Variants in RPL17 observed in about 807,000 individuals in gnomAD.
The protein encoded by RPL17 is ribosomal protein L17.
A neutral mutation model predicts 27.7 loss-of-function variants in RPL17; 2 were observed. The observed-to-expected ratio is 0.07, with a 90% CI of 0.03 to 0.23. RPL17 has a LOEUF of 0.23. Among genes scored for constraint, RPL17 ranks in the 10% least tolerant of loss-of-function variants. The pLI, the probability that RPL17 is intolerant of heterozygous loss-of-function variation, is 1.00. For missense variants in RPL17, 141 were observed against 238.8 expected (o/e 0.59, Z 2.70); for synonymous variants, 76 against 75.5 (o/e 1.01, Z -0.03).
intron 1 of RPL17, 199 bp from the exon 2 acceptor site, chr18:49,491,783 A>T: frequency 1.3e-6 from 1 of 783,312 alleles, no homozygotes; most frequent in Non-Finnish European, 2.3e-6. Context: ...CAGTAACTAC[A>T]GCACTGCTTC....
chr18:49,491,922 C>T (rs936181803), intron 1 of RPL17: 2 of 419,804 alleles, frequency 4.8e-6, no homozygotes, highest in African/African-American at 4.1e-5. Flanking sequence ...ACAACTCAAC[C>T]GTAACCCTCT....
intron 6 of RPL17, 131 bp downstream of exon 6, chr18:49,489,228 A>C: frequency 1.0e-6 from 1 of 985,226 alleles, no homozygotes. Flanking sequence ...AAAAGCCAAA[A>C]TAAGACAGGT....
Position 49,490,632 on chromosome 18 carries a change from C to T in RPL17, c.217-80G>A, listed in dbSNP as rs147977407. 2.9e-3 allele frequency: 4,634 copies of T among 1,600,978 alleles called. 14 individuals carry two copies. Among genetic ancestry groups the T allele is most frequent in the Non-Finnish European group, 3.3e-3 (3,883 of 1,170,432 alleles). ...GCCAAGATGAATTTATCTGATATCACGGTTTCTTAGGATATGGTTTATTTC... is the reference window on the plus strand; with the variant it reads ...GCCAAGATGAATTTATCTGATATCATGGTTTCTTAGGATATGGTTTATTTC... On this transcript the variant is annotated intron_variant, in intron 4 of 6. Coordinates refer to ENST00000580261, the MANE Select transcript of RPL17 (RefSeq NM_001035006.5).
At chr18:49,492,273 A>T (rs2148828409) in intron 1 of RPL17, 185 bp downstream of exon 1, 1 of 152,218 alleles carries the variant, frequency 6.6e-6, no homozygotes, top group African/African-American at 2.4e-5. Flanking sequence ...AGGCCGACTG[A>T]CCCCGGCTCC....
At chr18:49,490,403 C>G (rs2083974809) in intron 5 of RPL17, 51 bp downstream of exon 5, 1 of 1,585,912 alleles carries the variant, frequency 6.3e-7, no homozygotes, top group Admixed American at 1.7e-5. Flanking sequence ...GAACAGCCAA[C>G]ATTAATTAAA....
intron 4 of RPL17, 119 bp downstream of exon 4, chr18:49,490,674 G>T (rs899195376): frequency 1.9e-6 from 3 of 1,584,414 alleles, no homozygotes; most frequent in Admixed American, 3.5e-5. Context: ...AATCCAAGGT[G>T]TCCTGTCATT....
At position 49,489,382 on chromosome 18, in the gene RPL17, C is replaced by A. The variant is rs2083894124; in HGVS notation, c.484G>T (p.Glu162Ter). Residue 162 changes from glutamate (E) to a stop codon, truncating the protein, a stop_gained, in exon 6 of 7, where the codon GAG becomes TAG. Coordinates refer to ENST00000580261, the MANE Select transcript of RPL17 (RefSeq NM_001035006.5). LOFTEE classifies it high-confidence loss of function. ...ACCTTTTTCTTCTGGGCAACCTCCT[C>A]TTCTGGTTTAGGAACAATCTGTTCC... ...EKEQIVPKPE[E>*]EVAQKKKISQ... is the part of the protein sequence containing the mutation. 1 of 1,613,644 alleles carries A rather than the reference C, an allele frequency of 6.2e-7. No individual in the cohort carries two copies.
rs770068901 is a variant in RPL17, at chr18:49,491,592, A to G, written c.-13-8T>C. On this transcript the variant is annotated splice_region_variant and splice_polypyrimidine_tract_variant and intron_variant, in intron 1 of 6. Transcript: ENST00000580261. ...ACCATTTTCACAGATCACCTAGAGG[A>G]AAGTACAGTGTAATTCTGTCAATAC... 14 of 1,614,058 alleles carry G rather than the reference A, an allele frequency of 8.7e-6. No individual in the cohort carries two copies. The highest frequency in any genetic ancestry group is 5.0e-5 in the Admixed American group (3 of 59,996).
At chr18:49,490,390 T>C (rs565749406) in intron 5 of RPL17, 64 bp downstream of exon 5, 54 of 1,548,158 alleles carry the variant, frequency 3.5e-5, no homozygotes, top group Admixed American at 2.0e-4. Context: ...AGGACATAAA[T>C]CTGAACAGCC....
At position 49,491,399 on chromosome 18, in the gene RPL17, G is replaced by C; in HGVS notation, c.81+6C>G. Reference sequence around the variant, plus strand: ...AACTGTTGGATCACAACTATGAATCGCATACCTTAAAGTGAACACGAAGAT... The same window carrying C: ...AACTGTTGGATCACAACTATGAATCCCATACCTTAAAGTGAACACGAAGAT... On this transcript the variant is annotated splice_donor_region_variant and intron_variant, in intron 3 of 6. Coordinates refer to ENST00000580261, the MANE Select transcript of RPL17 (RefSeq NM_001035006.5). 2 of 1,613,986 alleles carry C rather than the reference G, an allele frequency of 1.2e-6. No individual in the cohort carries two copies. Among genetic ancestry groups the C allele is most frequent in the Non-Finnish European group, 1.7e-6 (2 of 1,180,014 alleles).
intron 3 of RPL17, 151 bp downstream of exon 3, chr18:49,491,254 C>T: frequency 2.4e-6 from 3 of 1,244,528 alleles, no homozygotes; most frequent in Non-Finnish European, 3.5e-6. Flanking sequence ...ATCCTTACAC[C>T]CTGATCATCA....
At position 49,490,851 on chromosome 18, in the gene RPL17, A is replaced by G; in HGVS notation, c.158T>C (p.Leu53Ser). 1 of 1,613,486 alleles carries G rather than the reference A, an allele frequency of 6.2e-7. No individual in the cohort carries two copies. The highest frequency in any genetic ancestry group is 1.1e-5 in the South Asian group (1 of 91,060). ...KATKYLKDVT[L>S]QKQCVPFRRY... ...TCGGAATGGTACACACTGTTTCTGT[A>G]AAGTGACATCTTTCAGATACTTCGT... The change falls in exon 4 of 7, where the codon TTA (leucine) becomes TCA (serine). Residue 53 changes from leucine (L) to serine (S), a missense_variant. Physicochemically the swap from Leu to Ser is moderately radical, Grantham distance 145. This residue lies in a region of RPL17 where 107 missense variants were observed against 150.1 expected (regional missense o/e 0.71). Coordinates refer to ENST00000580261, the MANE Select transcript of RPL17 (RefSeq NM_001035006.5).
At chr18:49,491,241 T>C in intron 3 of RPL17, 164 bp downstream of exon 3, 2 of 1,173,138 alleles carry the variant, frequency 1.7e-6, no homozygotes, top group African/African-American at 3.0e-5. Flanking sequence ...TCACAAACGC[T>C]ACATCCTTAC....
At position 49,491,457 on chromosome 18, in the gene RPL17, A is replaced by G; in HGVS notation, c.41-12T>C. 1 of 1,614,172 alleles carries G rather than the reference A, an allele frequency of 6.2e-7. No individual in the cohort carries two copies. The highest frequency in any genetic ancestry group is 8.5e-7 in the Non-Finnish European group (1 of 1,180,002). On this transcript the variant is annotated splice_polypyrimidine_tract_variant and intron_variant, in intron 2 of 6. Transcript: ENST00000580261. Reference sequence around the variant, plus strand: ...TCTTGATTTGCATGCTAGAAAATAAAACGTTTTGGTTAATTTTTGGTATCT... The same window carrying G: ...TCTTGATTTGCATGCTAGAAAATAAGACGTTTTGGTTAATTTTTGGTATCT...
At chr18:49,492,219 G>C (rs994912724) in intron 1 of RPL17, 1 of 154,802 alleles carries the variant, frequency 6.5e-6, no homozygotes, top group Admixed American at 6.3e-5. Flanking sequence ...GGAGGAGCCC[G>C]GTAGTCCCCA....
At position 49,491,591 on chromosome 18, in the gene RPL17, G is replaced by T. The variant is rs530739564; in HGVS notation, c.-13-7C>A. 6 of 1,614,164 alleles carry T rather than the reference G, an allele frequency of 3.7e-6. No individual in the cohort carries two copies. The South Asian group carries it at 5.5e-5, about 15-fold the overall frequency. ...AACCATTTTCACAGATCACCTAGAG[G>T]AAAGTACAGTGTAATTCTGTCAATA... On this transcript the variant is annotated splice_region_variant and splice_polypyrimidine_tract_variant and intron_variant, in intron 1 of 6. Transcript: ENST00000580261.
rs1433303303 is a variant in RPL17 at position 49,490,859 on chromosome 18, A to G, written c.150T>C (p.Asp50=). ...HIRKATKYLK[D]VTLQKQCVPF... ...GTACACACTGTTTCTGTAAAGTGAC[A>G]TCTTTCAGATACTTCGTGGCTTTTC... The change falls in exon 4 of 7, where the codon GAT becomes GAC. Residue 50 remains aspartate, a synonymous_variant. Coordinates refer to ENST00000580261, the MANE Select transcript of RPL17 (RefSeq NM_001035006.5). The G allele has an allele frequency of 1.9e-6, 3 of 1,613,612 alleles. No individual in the cohort carries two copies. Among genetic ancestry groups the G allele is most frequent in the Non-Finnish European group, 1.7e-6 (2 of 1,179,914 alleles).
At chr18:49,489,579 C>G (rs753106537) in intron 5 of RPL17, 29 bp from the exon 6 acceptor site, 1 of 1,595,658 alleles carries the variant, frequency 6.3e-7, no homozygotes, top group Admixed American at 1.7e-5. Flanking sequence ...AGAATGAAAC[C>G]AGGAACATCC....
rs2084056285 is a variant in RPL17, at chr18:49,491,315, T to A, written c.81+90A>T. On this transcript the variant is annotated intron_variant, in intron 3 of 6. Transcript: ENST00000580261. ...AGAATTTATTAATTTTCACGGTAAA[T>A]CCAAAGGTGTCCTAAGAAAGTCATC... The A allele has an allele frequency of 3.8e-6, 6 of 1,582,044 alleles. No homozygotes were observed. The Middle Eastern group carries it at 8.3e-4, about 219-fold the overall frequency.
Sources: gnomAD v4.1 joint callset for allele counts on GRCh38, gnomAD v4.1.1 for gene constraint, gnomAD v4.1.1 regional missense constraint, MANE v1.5 for transcripts, NCBI Gene and HGNC (gene_info 2026-07-23, HGNC 2026-07-21) for gene names.